XRCC4: variants seen among roughly 807,000 people sequenced by gnomAD.
The protein encoded by XRCC4 is DNA repair protein XRCC4.
In XRCC4, 28 loss-of-function variants were observed where a neutral mutation model predicts 39.1. The ratio of observed to expected loss-of-function variants is 0.72; its 90% CI spans 0.53 to 0.98. The LOEUF (loss-of-function observed/expected upper bound fraction) is 0.98, where lower values mean the gene tolerates loss of function less well. XRCC4 is among the 50% of genes least tolerant of loss of function. The pLI is 0.00. For synonymous variants in XRCC4, 123 were observed against 126.4 expected (o/e 0.97, Z 0.18); for missense variants, 350 against 376.4 (o/e 0.93, Z 0.58).
chr5:83,178,287 G>T (rs1750052525), intron 3 of XRCC4, among the ~76,000 whole-genome samples: 2 of 152,128 alleles, frequency 1.3e-5, no homozygotes, highest in Admixed American at 6.6e-5. Flanking sequence ...TGGATATGAA[G>T]GTCAGAATAC....
At chr5:83,277,216 T>C (rs1170404751) in intron 7 of XRCC4, among the ~76,000 whole-genome samples, 1 of 152,238 alleles carries the variant, frequency 6.6e-6, no homozygotes, top group Non-Finnish European at 1.5e-5. Flanking sequence ...TCATTAGTTC[T>C]GTTCACCAAA....
intron 7 of XRCC4, chr5:83,280,291 T>C (rs1754490949): frequency 5.1e-6 from 2 of 394,828 alleles, no homozygotes; most frequent in South Asian, 3.2e-5. Flanking sequence ...TGATACTACA[T>C]TTGATGTTTT....
intron 1 of XRCC4, among the ~76,000 whole-genome samples, chr5:83,102,957 A>G (rs1193743006): frequency 2.1e-5 from 3 of 143,176 alleles, no homozygotes; most frequent in Admixed American, 7.1e-5. Context: ...TATTCATACA[A>G]TGAGGATCCT....
chr5:83,315,062 A>G (rs1209128931), intron 7 of XRCC4, among the ~76,000 whole-genome samples: 1 of 152,180 alleles, frequency 6.6e-6, no homozygotes, highest in African/African-American at 2.4e-5. Context: ...AATGCAAAGG[A>G]AAACTTTTTG....
chr5:83,253,587 C>T (rs1753412668), intron 6 of XRCC4, among the ~76,000 whole-genome samples: 1 of 151,888 alleles, frequency 6.6e-6, no homozygotes, highest in South Asian at 2.1e-4. Flanking sequence ...TGGCAATCTT[C>T]ATTCAAGTAT....
chr5:83,140,193 A>G (rs1748098557), intron 3 of XRCC4, among the ~76,000 whole-genome samples: 1 of 152,230 alleles, frequency 6.6e-6, no homozygotes, highest in African/African-American at 2.4e-5. Context: ...GTCCCACGAC[A>G]GGGCGTCTGC....
At chr5:83,229,374 T>C (rs1752408819) in intron 6 of XRCC4, among the ~76,000 whole-genome samples, 2 of 151,958 alleles carry the variant, frequency 1.3e-5, no homozygotes, top group South Asian at 4.2e-4. Flanking sequence ...ATATATCGCC[T>C]TGGCAATCCT....
At position 83,147,817 on chromosome 5, in the gene XRCC4, G is replaced by A. The variant is rs117942848; in HGVS notation, c.315+36614G>A. On this transcript the variant is annotated intron_variant, in intron 3 of 7. Transcript: ENST00000396027. ...TTCTTTTTTTTTTTTTTGACACACA[G>A]TTTAACTCTGTTGCCCAGGCTGGGG... 2.9e-3 allele frequency among the ~76,000 whole-genome samples: 440 copies of A among 149,306 alleles called. 12 individuals carry two copies. In the East Asian group the frequency reaches 0.074, roughly 25 times the overall value.
rs766602842 is a variant in XRCC4 at position 83,353,261 on chromosome 5, T to G, written c.*19T>G. The G allele has an allele frequency of 6.5e-7, 1 of 1,532,982 alleles. No homozygotes were observed. Among genetic ancestry groups the G allele is most frequent in the Admixed American group, 1.9e-5 (1 of 51,948 alleles). The allele number at this position is 1,532,982 out of a possible 1,614,324, so 95.0% of individuals were successfully genotyped here. A position where few individuals can be genotyped will look rare whatever the true frequency, so the allele number is the denominator to read the frequency against. On this transcript the variant is annotated 3_prime_UTR_variant, in exon 8 of 8. Coordinates refer to ENST00000396027, the MANE Select transcript of XRCC4 (RefSeq NM_003401.5). ...GATTTAACAGTCTCAAAAAATACTT[T>G]GATGTTCACTAGACTATGTTTTCTA... is the stretch of plus-strand genomic sequence containing the variant.
At chr5:83,288,250 T>G (rs1754800485) in intron 7 of XRCC4, among the ~76,000 whole-genome samples, 1 of 151,864 alleles carries the variant, frequency 6.6e-6, no homozygotes, top group East Asian at 1.9e-4. Context: ...AGGTGTTGGA[T>G]GGAAGATTCT....
intron 7 of XRCC4, among the ~76,000 whole-genome samples, chr5:83,342,212 A>C (rs1403500475): frequency 6.6e-6 from 1 of 152,340 alleles, no homozygotes; most frequent in East Asian, 1.9e-4. Context: ...GTACAGCTAG[A>C]GTAACAAAAT....
At chr5:83,304,137 C>T (rs1043747760) in intron 7 of XRCC4, among the ~76,000 whole-genome samples, 2 of 150,028 alleles carry the variant, frequency 1.3e-5, no homozygotes, top group African/African-American at 4.9e-5. Flanking sequence ...TTTAAGATCA[C>T]ATGAATCATC....
intron 7 of XRCC4, among the ~76,000 whole-genome samples, chr5:83,268,442 T>C (rs1364748706): frequency 6.6e-6 from 1 of 152,188 alleles, no homozygotes; most frequent in Non-Finnish European, 1.5e-5. Context: ...TTGTGATGCA[T>C]TGATATTATA....
At chr5:83,299,315 A>G (rs1255000268) in intron 7 of XRCC4, among the ~76,000 whole-genome samples, 2 of 152,096 alleles carry the variant, frequency 1.3e-5, no homozygotes, top group African/African-American at 2.4e-5. Context: ...CTTACTGGCT[A>G]TTTTTAAGAT....
At chr5:83,314,750 C>T (rs1239000541) in intron 7 of XRCC4, among the ~76,000 whole-genome samples, 10 of 152,010 alleles carry the variant, frequency 6.6e-5, no homozygotes, top group Non-Finnish European at 1.3e-4. Flanking sequence ...TGCCACAAAC[C>T]ATGCCCATAA....
At chr5:83,239,645 C>T (rs971699266) in intron 6 of XRCC4, among the ~76,000 whole-genome samples, 3 of 150,478 alleles carry the variant, frequency 2.0e-5, no homozygotes, top group Non-Finnish European at 2.9e-5. Flanking sequence ...CTGGCTAACA[C>T]GGTGAAACCC....
chr5:83,297,755 A>C (rs901640420), intron 7 of XRCC4, among the ~76,000 whole-genome samples: 1 of 151,932 alleles, frequency 6.6e-6, no homozygotes, highest in Non-Finnish European at 1.5e-5. Context: ...TTAAATAGGA[A>C]CATGAATATA....
intron 7 of XRCC4, among the ~76,000 whole-genome samples, chr5:83,272,159 C>T (rs368132850): frequency 7.2e-5 from 11 of 152,234 alleles, no homozygotes; most frequent in South Asian, 2.1e-4. Flanking sequence ...TTTTATACTC[C>T]GGAGTTTTTC....
At chr5:83,157,417 G>T (rs1749015213) in intron 3 of XRCC4, among the ~76,000 whole-genome samples, 1 of 151,982 alleles carries the variant, frequency 6.6e-6, no homozygotes, top group Non-Finnish European at 1.5e-5. Flanking sequence ...TAGTTCCTCA[G>T]TCTTAATTGT....
Sources: gnomAD v4.1 joint callset for allele counts (sites outside exome capture counted in the v4.1 genomes callset) on GRCh38, gnomAD v4.1.1 for gene constraint, MANE v1.5 for transcripts, NCBI Gene and HGNC (gene_info 2026-07-23, HGNC 2026-07-21) for gene names.